The following MLLT3 variants were observed in gnomAD, a reference collection of about 807,000 sequenced individuals.
MLLT3 encodes MLLT3 super elongation complex subunit.
MLLT3 carries 4 observed loss-of-function variants against 53.2 expected under a neutral mutation model. That is an observed-to-expected ratio of 0.08 (90% confidence interval 0.04 to 0.17). The LOEUF (loss-of-function observed/expected upper bound fraction) is 0.17, where lower values mean the gene tolerates loss of function less well. MLLT3 is among the 10% of genes least tolerant of loss of function. The pLI, the probability that MLLT3 is intolerant of heterozygous loss-of-function variation, is 1.00. For missense variants in MLLT3, 569 were observed against 684.0 expected (o/e 0.83, Z 1.87); for synonymous variants, 283 against 230.6 (o/e 1.23, Z -2.06).
At chr9:20,562,008 A>T (rs1427292436) in intron 2 of MLLT3, among the ~76,000 whole-genome samples, 1 of 152,074 alleles carries the variant, frequency 6.6e-6, no homozygotes, top group African/African-American at 2.4e-5. Context: ...GATGGAGAGA[A>T]TCCTAAGCCT....
intron 4 of MLLT3, among the ~76,000 whole-genome samples, chr9:20,424,425 C>T (rs1823092440): frequency 6.6e-6 from 1 of 152,144 alleles, no homozygotes; most frequent in South Asian, 2.1e-4. Context: ...TACTTCTCAT[C>T]TCACATTAAA....
intron 2 of MLLT3, among the ~76,000 whole-genome samples, chr9:20,524,705 G>A (rs1784585996): frequency 6.6e-6 from 1 of 152,076 alleles, no homozygotes; most frequent in Admixed American, 6.5e-5. Context: ...TATCTCAAGT[G>A]TGATTATCAC....
intron 2 of MLLT3, among the ~76,000 whole-genome samples, chr9:20,562,558 A>G (rs551623848): frequency 2.6e-5 from 4 of 152,302 alleles, no homozygotes; most frequent in African/African-American, 7.2e-5. Flanking sequence ...AGCAAATTCA[A>G]AAGTGTAATA....
At chr9:20,501,370 TCTAA>T (rs1377462257) in intron 2 of MLLT3, among the ~76,000 whole-genome samples, 1 of 152,174 alleles carries the variant, frequency 6.6e-6, no homozygotes. Flanking sequence ...AGTTAAGGCA[TCTAA>T]CTATGAAGAC....
At chr9:20,583,042 T>A (rs992423378) in intron 2 of MLLT3, among the ~76,000 whole-genome samples, 2 of 152,118 alleles carry the variant, frequency 1.3e-5, no homozygotes, top group Non-Finnish European at 2.9e-5. Context: ...GCAAGTCCCT[T>A]CTACCTATAA....
At chr9:20,596,182 T>C (rs898226982) in intron 2 of MLLT3, among the ~76,000 whole-genome samples, 6 of 152,218 alleles carry the variant, frequency 3.9e-5, no homozygotes, top group South Asian at 2.1e-4. Context: ...ATTGCCTCCA[T>C]TGAACTTTCT....
chr9:20,605,564 C>T (rs1820542063), intron 2 of MLLT3, among the ~76,000 whole-genome samples: 3 of 152,064 alleles, frequency 2.0e-5, no homozygotes, highest in African/African-American at 7.2e-5. Flanking sequence ...ACACAACATT[C>T]CCCATTTCAA....
chr9:20,467,107 T>C (rs969038134), intron 2 of MLLT3, among the ~76,000 whole-genome samples: 1 of 150,824 alleles, frequency 6.6e-6, no homozygotes, highest in South Asian at 2.1e-4. Flanking sequence ...AGAGGGAGGT[T>C]AAAAAACAAA....
At chr9:20,619,898 C>T (rs1232897078) in intron 2 of MLLT3, among the ~76,000 whole-genome samples, 1 of 152,196 alleles carries the variant, frequency 6.6e-6, no homozygotes, top group Non-Finnish European at 1.5e-5. Flanking sequence ...GCTTCCTCCA[C>T]ATCGTTCCTC....
chr9:20,613,742 T>C (rs1205762127), intron 2 of MLLT3, among the ~76,000 whole-genome samples: 1 of 152,132 alleles, frequency 6.6e-6, no homozygotes, highest in Non-Finnish European at 1.5e-5. Context: ...TCCACACAGA[T>C]TGGCAAAGAT....
chr9:20,439,755 T>C (rs906997248), intron 4 of MLLT3, among the ~76,000 whole-genome samples: 11 of 152,188 alleles, frequency 7.2e-5, no homozygotes, highest in African/African-American at 1.4e-4. Context: ...ATGCAAAATA[T>C]AGATTTTCAG....
In MLLT3 at chr9:20,533,297, C is replaced by A; in HGVS notation, c.194-76511G>T. On this transcript the variant is annotated intron_variant, in intron 2 of 10. Coordinates refer to ENST00000380338, the MANE Select transcript of MLLT3 (RefSeq NM_004529.4). ...AGACTGTGGCTCACATTGCCAAGCT[C>A]AAAAAGGCAAAGGCTAAAGAACTTG... 9.2e-6 allele frequency: 3 copies of A among 325,878 alleles called. No individual in the cohort carries two copies. The South Asian group carries it at 9.6e-5, about 10-fold the overall frequency. The allele number at this position is 325,878 out of a possible 1,614,324, so 20.2% of individuals were successfully genotyped here.
chr9:20,422,233 G>A (rs993632675), intron 4 of MLLT3, among the ~76,000 whole-genome samples: 4 of 152,212 alleles, frequency 2.6e-5, no homozygotes, highest in Admixed American at 2.6e-4. Flanking sequence ...AAAAAGAAAG[G>A]TCTCCTGTTA....
chr9:20,582,191 G>A (rs10964622), intron 2 of MLLT3, among the ~76,000 whole-genome samples: 2 of 152,054 alleles, frequency 1.3e-5, no homozygotes, highest in African/African-American at 4.8e-5. Flanking sequence ...TTGCATTGGG[G>A]TGGTACATTT....
chr9:20,462,100 A>G (rs1326132380), intron 2 of MLLT3, among the ~76,000 whole-genome samples: 1 of 152,206 alleles, frequency 6.6e-6, no homozygotes, highest in African/African-American at 2.4e-5. Context: ...CAGCGTCTGA[A>G]AGTCTGAGCA....
intron 2 of MLLT3, among the ~76,000 whole-genome samples, chr9:20,515,113 AT>A (rs1488360594): frequency 6.6e-6 from 1 of 151,666 alleles, no homozygotes; most frequent in African/African-American, 2.4e-5. Context: ...CGCCCGGCTA[AT>A]TTTTTGTATT....
chr9:20,367,099 G>T (rs1414560086), intron 5 of MLLT3, among the ~76,000 whole-genome samples: 1 of 152,120 alleles, frequency 6.6e-6, no homozygotes, highest in Non-Finnish European at 1.5e-5. Flanking sequence ...TGTCGCCATT[G>T]TTTTTTTGTA....
chr9:20,372,110 A>G (rs1263966447), intron 5 of MLLT3, among the ~76,000 whole-genome samples: 1 of 152,196 alleles, frequency 6.6e-6, no homozygotes, highest in Non-Finnish European at 1.5e-5. Context: ...AATTTTTGCA[A>G]TCTCATAAAA....
intron 5 of MLLT3, among the ~76,000 whole-genome samples, chr9:20,367,508 T>A (rs901688401): frequency 2.0e-5 from 3 of 152,180 alleles, no homozygotes; most frequent in Non-Finnish European, 4.4e-5. Flanking sequence ...TCTGCCACAG[T>A]TTTTTTGAAA....
Sources: allele counts gnomAD v4.1 joint callset (sites outside exome capture counted in the v4.1 genomes callset), GRCh38; gene constraint gnomAD v4.1.1; transcripts MANE v1.5; gene names NCBI Gene and HGNC (gene_info 2026-07-23, HGNC 2026-07-21).